The following PRDM15 variants were observed in gnomAD, a reference collection of about 807,000 sequenced individuals.
PRDM15 encodes PR/SET domain 15, also known as PR domain zinc finger protein 15.
Under a neutral mutation model 128.6 loss-of-function variants are expected in PRDM15, and 64 were observed. The observed-to-expected ratio is 0.50, with a 90% CI of 0.41 to 0.61. PRDM15 has a LOEUF of 0.61. Ranked by LOEUF, PRDM15 falls within the 20% of genes least tolerant of loss-of-function variation. PRDM15 has a pLI of 0.00. For synonymous variants in PRDM15, 615 were observed against 621.8 expected, an observed-to-expected ratio of 0.99 and a Z score of 0.16; for missense variants, 1,242 against 1,569.1, an observed-to-expected ratio of 0.79 and a Z score of 3.52.
chr21:41,818,455 C>CT (rs35158361), intron 18 of PRDM15, among the ~76,000 whole-genome samples: 1 of 151,298 alleles, frequency 6.6e-6, no homozygotes, highest in Non-Finnish European at 1.5e-5. Flanking sequence ...GCATGCGCTG[C>CT]TTTTTTAATA....
At chr21:41,842,854 G>A (rs1055442685) in intron 6 of PRDM15, among the ~76,000 whole-genome samples, 6 of 150,722 alleles carry the variant, frequency 4.0e-5, no homozygotes, top group African/African-American at 1.2e-4. Context: ...GTGCAATCTC[G>A]GCTCACTACA....
intron 21 of PRDM15, among the ~76,000 whole-genome samples, chr21:41,805,473 A>G (rs748258643): frequency 3.9e-5 from 6 of 152,170 alleles, no homozygotes; most frequent in Non-Finnish European, 7.3e-5. Context: ...TTAAAAAAGG[A>G]GAGAAGTGCA....
At position 41,836,568 on chromosome 21, in the gene PRDM15, G is replaced by A. The variant is rs1203424437; in HGVS notation, c.1083C>T (p.Leu361=). 2 of 1,613,412 alleles carry A rather than the reference G, an allele frequency of 1.2e-6. No homozygotes were observed. The highest frequency in any genetic ancestry group is 2.2e-5 in the East Asian group (1 of 44,790). ...GCTTGTGCTCCCCGAGCTGTTTGAT[G>A]AGCTTGCGCCGGATGCCGTGTCTGC... The part of the protein sequence containing the change: ...LSSRHGIRRK[L]IKQLGEHKRV... The change falls in exon 9 of 24, where the codon CTC becomes CTT. Residue 361 remains leucine (L), a synonymous_variant. Transcript: ENST00000398548.
intron 13 of PRDM15, among the ~76,000 whole-genome samples, chr21:41,824,601 A>G (rs2062402551): frequency 6.6e-6 from 1 of 152,196 alleles, no homozygotes; most frequent in South Asian, 2.1e-4. Flanking sequence ...CAAGGGGCAG[A>G]GGTCAGTGGA....
intron 19 of PRDM15, chr21:41,812,954 G>A (rs1384478309): frequency 6.6e-6 from 1 of 152,332 alleles, no homozygotes; most frequent in Non-Finnish European, 1.5e-5. Context: ...ACGTAATTAT[G>A]TATGTGGTCC....
rs908327811 is a variant in PRDM15, at chr21:41,840,314, T to C, written c.641-461A>G. Among the ~76,000 whole-genome samples the C allele has an allele frequency of 7.9e-5, 12 of 151,720 alleles. 2 individuals carry two copies. Among genetic ancestry groups the C allele is most frequent in the East Asian group, 3.9e-4 (2 of 5,158 alleles). On this transcript the variant is annotated intron_variant, in intron 6 of 23. Coordinates refer to ENST00000398548, the MANE Select transcript of PRDM15 (RefSeq NM_001040424.3). ...ACAAAAAGTTAGCCGGGTGTGGTGG[T>C]GTGTGCCTGTAGTCCCAGCCACTGG...
Position 41,832,967 on chromosome 21 carries a change from C to T in PRDM15, c.1366+2470G>A, listed in dbSNP as rs1231884893. Among the ~76,000 whole-genome samples, 37 of 152,160 alleles carry T rather than the reference C, an allele frequency of 2.4e-4. No homozygotes were observed. The highest frequency in any genetic ancestry group is 2.4e-3 in the Admixed American group (37 of 15,282). Reference sequence around the variant, plus strand: ...CAGGAACCCACAGGGGCACTGGGTCCCAACAATGCTTCTCCCTCCAATAAC... The same window carrying T: ...CAGGAACCCACAGGGGCACTGGGTCTCAACAATGCTTCTCCCTCCAATAAC... On this transcript the variant is annotated intron_variant, in intron 11 of 23. Transcript: ENST00000398548. The surrounding 1 kb of genome is among the most constrained non-coding windows in gnomAD (Gnocchi z 4.2).
rs972281216 is a variant in PRDM15 at position 41,832,909 on chromosome 21, G to T, written c.1366+2528C>A. On this transcript the variant is annotated intron_variant, in intron 11 of 23. Transcript: ENST00000398548. This position sits in a 1 kb window ranked among gnomAD's most constrained non-coding sequence, Gnocchi z 4.2. ...GGACAACTCTGCCAAGCCGAGGGTG[G>T]CTTCTCCCGCAGCCACCCACTCACT... Among the ~76,000 whole-genome samples, 2 of 152,196 alleles carry T rather than the reference G, an allele frequency of 1.3e-5. No homozygotes were observed. The highest frequency in any genetic ancestry group is 2.9e-5 in the Non-Finnish European group (2 of 68,040).
At position 41,798,528 on chromosome 21, in the gene PRDM15, G is replaced by A. The variant is rs528363373; in HGVS notation, c.*2712C>T. 2.6e-5 allele frequency: 4 copies of A among 152,438 alleles called. No individual in the cohort carries two copies. The East Asian group carries it at 7.7e-4, about 29-fold the overall frequency. The allele number at this position is 152,438 out of a possible 1,614,324, so 9.4% of individuals were successfully genotyped here. ...ACACGTCACACGCTAGAGCATTCCAGAGGCCCGAGCCCCTTCTCAACCCAC... is the reference window on the plus strand; with the variant it reads ...ACACGTCACACGCTAGAGCATTCCAAAGGCCCGAGCCCCTTCTCAACCCAC... On this transcript the variant is annotated 3_prime_UTR_variant, in exon 24 of 24. Transcript: ENST00000398548.
chr21:41,830,245 C>CCA (rs1226547743), intron 11 of PRDM15, among the ~76,000 whole-genome samples: 1 of 150,218 alleles, frequency 6.7e-6, no homozygotes, highest in Non-Finnish European at 1.5e-5. Context: ...TCAANACACA[C>CCA]CACACACACA....
chr21:41,851,443 G>A (rs1014262231), intron 5 of PRDM15, among the ~76,000 whole-genome samples: 19 of 152,354 alleles, frequency 1.2e-4, no homozygotes, highest in Admixed American at 5.2e-4. Flanking sequence ...GGTGCATTGG[G>A]CGGGCAGGGC....
chr21:41,839,857 C>T lies in PRDM15; in HGVS notation c.641-4G>A, dbSNP rs547154540. ...TCTAAGTGGCCCAACAGATGTTCTG[C>T]AAAGAGAGACGCGAATGCACCACAC... On this transcript the variant is annotated splice_polypyrimidine_tract_variant and splice_region_variant and intron_variant, in intron 6 of 23. Coordinates refer to ENST00000398548, the MANE Select transcript of PRDM15 (RefSeq NM_001040424.3). 1 of 1,613,544 alleles carries T rather than the reference C, an allele frequency of 6.2e-7. No individual in the cohort carries two copies. The highest frequency in any genetic ancestry group is 1.1e-5 in the South Asian group (1 of 91,070).
At position 41,810,213 on chromosome 21, in the gene PRDM15, C is replaced by T. The variant is rs372896462; in HGVS notation, c.2593G>A (p.Gly865Arg). 8 of 1,612,800 alleles carry T rather than the reference C, an allele frequency of 5.0e-6. No homozygotes were observed. The highest frequency in any genetic ancestry group is 2.2e-5 in the South Asian group (2 of 91,012). The change falls in exon 21 of 24, where the codon GGG becomes AGG. Residue 865 changes from glycine (G) to arginine (R), a missense_variant. Physicochemically the swap from Gly to Arg is moderately radical, Grantham distance 125. Around this residue, in one of 3 missense-constraint regions of PRDM15, gnomAD observed 602 missense variants for 788.3 expected, o/e 0.76. Coordinates refer to ENST00000398548, the MANE Select transcript of PRDM15 (RefSeq NM_001040424.3). This position sits in a 1 kb window ranked among gnomAD's most constrained non-coding sequence, Gnocchi z 6.4. Reference sequence around the variant, plus strand: ...GAGGCCCTGGTGGACACCTTGGTCCCGCACAGCTGGCAGCTCTGCGCCTCC... The same window carrying T: ...GAGGCCCTGGTGGACACCTTGGTCCTGCACAGCTGGCAGCTCTGCGCCTCC... Reference protein sequence around the residue: ...KVEAQSCQLCGTKVSTRASMS... With the variant: ...KVEAQSCQLCRTKVSTRASMS...
intron 14 of PRDM15, 176 bp downstream of exon 14, chr21:41,823,142 C>T (rs1037734616): frequency 8.6e-6 from 7 of 816,432 alleles, no homozygotes; most frequent in Non-Finnish European, 1.4e-5. Flanking sequence ...GGAAGTGAGC[C>T]TCGCCAGACA....
intron 13 of PRDM15, among the ~76,000 whole-genome samples, chr21:41,823,970 G>A (rs2062377469): frequency 6.6e-6 from 1 of 152,232 alleles, no homozygotes; most frequent in Non-Finnish European, 1.5e-5. Context: ...TCTGTGACCA[G>A]GGCTGGGGTT....
In PRDM15 at chr21:41,810,435, C is replaced by T; in HGVS notation, c.2477-106G>A. 7.7e-7 allele frequency: 1 copy of T among 1,297,934 alleles called. No homozygotes were observed. Among genetic ancestry groups the T allele is most frequent in the Non-Finnish European group, 1.1e-6 (1 of 943,892 alleles). The allele number at this position is 1,297,934 out of a possible 1,614,324, so 80.4% of individuals were successfully genotyped here. A position where few individuals can be genotyped will look rare whatever the true frequency, so the allele number is the denominator to read the frequency against. ...TGGCCTGCTGGACGAGGCAAGAAGC[C>T]TGTCACGCCCCGCCCATCCTGAGAG... On this transcript the variant is annotated intron_variant, in intron 20 of 23. Transcript: ENST00000398548. This position sits in a 1 kb window ranked among gnomAD's most constrained non-coding sequence, Gnocchi z 6.4.
chr21:41,848,026 T>C (rs79270363), intron 5 of PRDM15, among the ~76,000 whole-genome samples: 8 of 152,368 alleles, frequency 5.3e-5, no homozygotes, highest in Admixed American at 1.3e-4. Context: ...CCAGTTTCTC[T>C]ACACCTCGTC....
Position 41,836,550 on chromosome 21 carries a change from C to T in PRDM15, c.1101G>A (p.Glu367=). The T allele has an allele frequency of 6.2e-7, 1 of 1,613,278 alleles. No homozygotes were observed. The highest frequency in any genetic ancestry group is 8.5e-7 in the Non-Finnish European group (1 of 1,179,984). The change falls in exon 9 of 24, where the codon GAG becomes GAA. Residue 367 remains glutamate, a synonymous_variant. Coordinates refer to ENST00000398548, the MANE Select transcript of PRDM15 (RefSeq NM_001040424.3). ...TATTGCACTGGTAAACCCGCTTGTG[C>T]TCCCCGAGCTGTTTGATGAGCTTGC... ...IRRKLIKQLG[E]HKRVYQCNIC...
chr21:41,840,716 GATA>G (rs1164519349), intron 6 of PRDM15, among the ~76,000 whole-genome samples: 1 of 151,812 alleles, frequency 6.6e-6, no homozygotes, highest in Non-Finnish European at 1.5e-5. Flanking sequence ...GGAATTCCTA[GATA>G]ATAACACAAG....
Sources: allele counts gnomAD v4.1 joint callset (sites outside exome capture counted in the v4.1 genomes callset), GRCh38; gene constraint gnomAD v4.1.1; regional missense constraint gnomAD v4.1.1; non-coding constraint Gnocchi (gnomAD v3.1); transcripts MANE v1.5; gene names NCBI Gene and HGNC (gene_info 2026-07-23, HGNC 2026-07-21).